DNAH9: variants seen among roughly 807,000 people sequenced by gnomAD.
DNAH9 encodes the protein dynein axonemal heavy chain 9.
Under a neutral mutation model 471.6 loss-of-function variants are expected in DNAH9, and 345 were observed. That is an observed-to-expected ratio of 0.73 (90% CI 0.67 to 0.80). The LOEUF (loss-of-function observed/expected upper bound fraction) is 0.80. DNAH9 is among the 30% of genes least tolerant of loss of function. DNAH9 has a pLI of 0.00. For synonymous variants in DNAH9, 2,093 were observed against 2,123.6 expected (o/e 0.99, Z 0.40); for missense variants, 5,407 against 5,609.2 (o/e 0.96, Z 1.15).
At chr17:11,676,957 G>A (rs1249687310) in intron 17 of DNAH9, among the ~76,000 whole-genome samples, 1 of 151,750 alleles carries the variant, frequency 6.6e-6, no homozygotes, top group Non-Finnish European at 1.5e-5. Context: ...TCTAGTTATA[G>A]TTTTTTATTA....
At chr17:11,617,837 T>C (rs930965179) in intron 5 of DNAH9, among the ~76,000 whole-genome samples, 1 of 152,208 alleles carries the variant, frequency 6.6e-6, no homozygotes, top group African/African-American at 2.4e-5. Context: ...CCTGTCTTCC[T>C]TTCCCCTCTG....
chr17:11,763,821 T>C (rs970556546), intron 36 of DNAH9, among the ~76,000 whole-genome samples: 1 of 152,242 alleles, frequency 6.6e-6, no homozygotes, highest in African/African-American at 2.4e-5. Context: ...GGTCGTGGTG[T>C]GTTCGGAGCT....
chr17:11,960,319 C>G (rs1975980305), intron 67 of DNAH9, among the ~76,000 whole-genome samples: 1 of 149,950 alleles, frequency 6.7e-6, no homozygotes, highest in Non-Finnish European at 1.5e-5. Flanking sequence ...GCCTGTAATC[C>G]CAGCTACTTG....
chr17:11,856,422 G>A (rs528589601), intron 50 of DNAH9, among the ~76,000 whole-genome samples: 43 of 152,118 alleles, frequency 2.8e-4, no homozygotes, highest in East Asian at 3.9e-4. Context: ...ACTTTGGGCC[G>A]GGTGCAGTGG....
chr17:11,778,319 G>C (rs1286886711), intron 38 of DNAH9, among the ~76,000 whole-genome samples: 2 of 93,648 alleles, frequency 2.1e-5, no homozygotes, highest in African/African-American at 8.0e-5. Flanking sequence ...GACAGAGTGA[G>C]ACTCCATCTC....
At chr17:11,918,674 T>A (rs949608873) in intron 61 of DNAH9, among the ~76,000 whole-genome samples, 2 of 152,058 alleles carry the variant, frequency 1.3e-5, no homozygotes, top group African/African-American at 4.8e-5. Context: ...GAAGAGTGAA[T>A]AGAGACAAAG....
intron 34 of DNAH9, 65 bp downstream of exon 34, chr17:11,756,741 C>T (rs948953661): frequency 2.9e-5 from 30 of 1,022,864 alleles, no homozygotes; most frequent in Non-Finnish European, 4.0e-5. Context: ...TGGCTTCACA[C>T]GTAGTTTTGC....
At position 11,886,937 on chromosome 17, in the gene DNAH9, T is replaced by G. The variant is rs1331624129; in HGVS notation, c.11084T>G (p.Ile3695Ser). The G allele has an allele frequency of 1.9e-6, 3 of 1,611,682 alleles. No individual in the cohort carries two copies. In the Admixed American group the frequency reaches 5.0e-5, roughly 27 times the overall value. Residue 3695 changes from isoleucine to serine, a missense_variant, in exon 57 of 69, where the codon ATC becomes AGC. Ile to Ser is a moderately radical substitution (Grantham distance 142, BLOSUM62 -2). This residue lies in a region of DNAH9 where 4,636 missense variants were observed against 4,900.3 expected (regional missense o/e 0.95). Transcript: ENST00000262442. ...TTCATCATGAACGACCTCAGCAAGA[T>G]CCATCCAATGTACCAGTTTTCTCTC... The part of the protein sequence containing the change: ...LYFIMNDLSK[I>S]HPMYQFSLKA...
chr17:11,675,761 C>A (rs1029076092), intron 17 of DNAH9, among the ~76,000 whole-genome samples: 1 of 152,140 alleles, frequency 6.6e-6, no homozygotes, highest in Non-Finnish European at 1.5e-5. Context: ...TTAAAACAAC[C>A]TAGCATCTGA....
At chr17:11,961,304 G>A (rs2151451879) in intron 67 of DNAH9, among the ~76,000 whole-genome samples, 1 of 152,290 alleles carries the variant, frequency 6.6e-6, no homozygotes, top group Non-Finnish European at 1.5e-5. Flanking sequence ...AATAGAGTGA[G>A]ACTCCGTCTC....
chr17:11,655,911 CAT>C (rs2073636434), intron 14 of DNAH9, among the ~76,000 whole-genome samples: 1 of 151,764 alleles, frequency 6.6e-6, no homozygotes, highest in African/African-American at 2.4e-5. Context: ...CACACACACA[CAT>C]ACACACACAC....
At chr17:11,887,730 A>G (rs1972920865) in intron 57 of DNAH9, among the ~76,000 whole-genome samples, 1 of 119,548 alleles carries the variant, frequency 8.4e-6, no homozygotes, top group African/African-American at 2.9e-5. Flanking sequence ...TTTCACATAC[A>G]CACAGTCACA....
At chr17:11,767,132 G>C (rs1232089185) in intron 36 of DNAH9, among the ~76,000 whole-genome samples, 1 of 152,194 alleles carries the variant, frequency 6.6e-6, no homozygotes, top group Non-Finnish European at 1.5e-5. Context: ...CAAGGGCTTA[G>C]CTGGGAAATT....
chr17:11,828,277 T>C (rs11653553), intron 48 of DNAH9, among the ~76,000 whole-genome samples: 87,718 of 151,626 alleles, frequency 0.58, 25,513 homozygotes, highest in Non-Finnish European at 0.6. Flanking sequence ...AGTTCAAGAC[T>C]AACCTGGCCA....
intron 49 of DNAH9, among the ~76,000 whole-genome samples, chr17:11,851,058 G>A (rs1298838121): frequency 1.3e-5 from 2 of 151,922 alleles, no homozygotes; most frequent in Non-Finnish European, 2.9e-5. Flanking sequence ...GGTGGGTAGA[G>A]TCTTACAGGG....
intron 48 of DNAH9, among the ~76,000 whole-genome samples, chr17:11,831,526 T>G (rs994791433): frequency 1.3e-5 from 2 of 152,100 alleles, no homozygotes; most frequent in Non-Finnish European, 2.9e-5. Flanking sequence ...ATTTTCAACA[T>G]GAGGTTTGGA....
At chr17:11,762,353 T>G (rs934227485) in intron 35 of DNAH9, among the ~76,000 whole-genome samples, 6 of 152,152 alleles carry the variant, frequency 3.9e-5, no homozygotes, top group African/African-American at 1.4e-4. Flanking sequence ...GGGCTGAGTG[T>G]GTGGGTACGT....
intron 6 of DNAH9, 29 bp downstream of exon 6, chr17:11,619,810 A>G (rs757670114): frequency 7.3e-7 from 1 of 1,365,928 alleles, no homozygotes; most frequent in Non-Finnish European, 1.0e-6. Context: ...TCAGGCTGCC[A>G]GCCCCAGACA....
At chr17:11,953,233 A>G (rs1975464772) in intron 67 of DNAH9, among the ~76,000 whole-genome samples, 1 of 152,156 alleles carries the variant, frequency 6.6e-6, no homozygotes, top group African/African-American at 2.4e-5. Context: ...TGCTGCCCAC[A>G]GAGAAGTTGC....
Sources: gnomAD v4.1 joint callset for allele counts (sites outside exome capture counted in the v4.1 genomes callset) on GRCh38, gnomAD v4.1.1 for gene constraint, gnomAD v4.1.1 regional missense constraint, MANE v1.5 for transcripts, NCBI Gene and HGNC (gene_info 2026-07-23, HGNC 2026-07-21) for gene names.